The following ACOX2 variants were observed in gnomAD, a reference collection of about 807,000 sequenced individuals.
ACOX2 encodes acyl-CoA oxidase 2.
ACOX2 carries 59 observed loss-of-function variants against 77.5 expected under a neutral mutation model. The ratio of observed to expected loss-of-function variants is 0.76; its 90% CI spans 0.62 to 0.95. The LOEUF is 0.95. ACOX2 is among the 40% of genes least tolerant of loss of function. The pLI, the probability that ACOX2 is intolerant of heterozygous loss-of-function variation, is 0.00. For synonymous variants in ACOX2, 317 were observed against 340.1 expected, an observed-to-expected ratio of 0.93 and a Z score of 0.75; for missense variants, 837 against 880.4, an observed-to-expected ratio of 0.95 and a Z score of 0.62.
Position 58,528,864 on chromosome 3 carries a change from A to G in ACOX2, c.1085T>C (p.Val362Ala). ...AISYAFHFLA[V>A]SLLEFFQHSY... is the part of the protein sequence containing the mutation. ...GTGCTGGAAGAACTCCAAGAGGCTG[A>G]CTGCCAGGAAATGGAAGGCATAACT... The change falls in exon 9 of 15, where the codon GTC (valine) becomes GCC (alanine). Residue 362 changes from valine (V) to alanine (A), a missense_variant. Val to Ala is a moderately conservative substitution (Grantham distance 64). Transcript: ENST00000302819. The surrounding 1 kb of genome is among the most constrained non-coding windows in gnomAD (Gnocchi z 5.6). 1 of 1,613,914 alleles carries G rather than the reference A, an allele frequency of 6.2e-7. No homozygotes were observed. The highest frequency in any genetic ancestry group is 1.1e-5 in the South Asian group (1 of 90,982).
rs1169194577 is a variant in ACOX2, at chr3:58,522,227, T to C, written c.1632+269A>G. Among the ~76,000 whole-genome samples the C allele has an allele frequency of 6.6e-6, 1 of 152,192 alleles. No homozygotes were observed. The highest frequency in any genetic ancestry group is 2.1e-4 in the South Asian group (1 of 4,824). ...GGGCTAAGGGGAGACTTGACCTGCT[T>C]TTCTATCTGGGAGGAAATATTTGAA... On this transcript the variant is annotated intron_variant, in intron 12 of 14. Coordinates refer to ENST00000302819, the MANE Select transcript of ACOX2 (RefSeq NM_003500.4). The surrounding 1 kb of genome is among the most constrained non-coding windows in gnomAD (Gnocchi z 4.3).
chr3:58,534,586 T>C lies in ACOX2; in HGVS notation c.161-64A>G. The C allele has an allele frequency of 6.2e-7, 1 of 1,612,732 alleles. No homozygotes were observed. Among genetic ancestry groups the C allele is most frequent in the Non-Finnish European group, 8.5e-7 (1 of 1,179,766 alleles). ...TGAGGTTTCTGGCACCTTGAAATCT[T>C]CTCACCCACTTGCTTCATGGATCTG... On this transcript the variant is annotated intron_variant, in intron 2 of 14. Transcript: ENST00000302819. The surrounding 1 kb of genome is among the most constrained non-coding windows in gnomAD (Gnocchi z 4.8).
At position 58,525,218 on chromosome 3, in the gene ACOX2, T is replaced by A. The variant is rs1194045796; in HGVS notation, c.1347-613A>T. 6.6e-6 allele frequency among the ~76,000 whole-genome samples: 1 copy of A among 152,248 alleles called. No homozygotes were observed. Among genetic ancestry groups the A allele is most frequent in the Non-Finnish European group, 1.5e-5 (1 of 68,034 alleles). Reference sequence around the variant, plus strand: ...GAATGAGATGATATTTGTAGAGTGCTTGGCACAGTGCAGAGTACATAATAT... The same window carrying A: ...GAATGAGATGATATTTGTAGAGTGCATGGCACAGTGCAGAGTACATAATAT... On this transcript the variant is annotated intron_variant, in intron 10 of 14. Transcript: ENST00000302819. This position sits in a 1 kb window ranked among gnomAD's most constrained non-coding sequence, Gnocchi z 5.0.
rs753935572 is a variant in ACOX2 at position 58,517,293 on chromosome 3, G to A, written c.1763C>T (p.Ser588Leu). 21 of 1,614,060 alleles carry A rather than the reference G, an allele frequency of 1.3e-5. No homozygotes were observed. The highest frequency in any genetic ancestry group is 1.6e-4 in the Middle Eastern group (1 of 6,084). The change falls in exon 13 of 15, where the codon TCG (serine) becomes TTG (leucine). Residue 588 changes from serine to leucine, a missense_variant. Transcript: ENST00000302819. ...LHAIHGILTN[S>L]GDFLHDAFLS... is the part of the protein sequence containing the mutation. ...GAAGGCGTCATGGAGAAAGTCACCCGAGTTAGTCAAGATTCCATGTATGGC... is the reference window on the plus strand; with the variant it reads ...GAAGGCGTCATGGAGAAAGTCACCCAAGTTAGTCAAGATTCCATGTATGGC...
chr3:58,534,107 ACT>A lies in ACOX2; in HGVS notation c.360_361del (p.Arg120SerfsTer48), dbSNP rs1327822475. Reference sequence around the variant, plus strand: ...CAGGCTCCTGAGGGCTCTCACGAAGACTCTGTGTATATTTAAGGCCACGTCTC... The same window carrying A: ...CAGGCTCCTGAGGGCTCTCACGAAGACTGTGTATATTTAAGGCCACGTCTC... On this transcript the variant is annotated frameshift_variant, in exon 4 of 15. Coordinates refer to ENST00000302819, the MANE Select transcript of ACOX2 (RefSeq NM_003500.4). LOFTEE classifies it high-confidence loss of function. The surrounding 1 kb of genome is among the most constrained non-coding windows in gnomAD (Gnocchi z 4.8). The A allele has an allele frequency of 2.5e-6, 4 of 1,613,876 alleles. No homozygotes were observed. The highest frequency in any genetic ancestry group is 1.6e-4 in the Middle Eastern group (1 of 6,062).
rs1283526303 is a variant in ACOX2 at position 58,524,534 on chromosome 3, G to C, written c.1418C>G (p.Ser473Cys). The change falls in exon 11 of 15, where the codon TCT becomes TGT. Residue 473 changes from serine (S) to cysteine (C), a missense_variant. Coordinates refer to ENST00000302819, the MANE Select transcript of ACOX2 (RefSeq NM_003500.4). The surrounding 1 kb of genome is among the most constrained non-coding windows in gnomAD (Gnocchi z 5.5). ...GSTPQRSLSP[S>C]VAYLTAPDLA... ...GTCAGGTGCGGTGAGATATGCGACA[G>C]ATGGAGAGAGAGATCTCTGTGGCGT... The C allele has an allele frequency of 1.2e-6, 2 of 1,614,242 alleles. No homozygotes were observed. The highest frequency in any genetic ancestry group is 3.3e-5 in the Admixed American group (2 of 60,030).
chr3:58,531,450 C>T lies in ACOX2; in HGVS notation c.704-84G>A, dbSNP rs1438602061. 3.7e-6 allele frequency: 5 copies of T among 1,347,044 alleles called. No homozygotes were observed. Among genetic ancestry groups the T allele is most frequent in the African/African-American group, 2.9e-5 (2 of 69,354 alleles). The allele number at this position is 1,347,044 out of a possible 1,614,324, so 83.4% of individuals were successfully genotyped here. ...GGTATCATACACACATTCCAGGTCA[C>T]AGCAGCCTGTGACACTGGGATTATT... is the stretch of plus-strand genomic sequence containing the variant. On this transcript the variant is annotated intron_variant, in intron 6 of 14. Transcript: ENST00000302819. This position sits in a 1 kb window ranked among gnomAD's most constrained non-coding sequence, Gnocchi z 5.8.
chr3:58,536,357 CCCTT>C (rs2063481255), intron 1 of ACOX2, among the ~76,000 whole-genome samples: 1 of 152,166 alleles, frequency 6.6e-6, no homozygotes, highest in Non-Finnish European at 1.5e-5. Context: ...GCTTTTGATC[CCCTT>C]CCTTCCTGAC....
chr3:58,536,902 CA>C (rs2108015631), intron 1 of ACOX2, among the ~76,000 whole-genome samples: 1 of 152,306 alleles, frequency 6.6e-6, no homozygotes, highest in Admixed American at 6.5e-5. Context: ...TGTTTACTTC[CA>C]TCTCCCTGCT....
Position 58,535,285 on chromosome 3 carries a change from C to T in ACOX2, c.-91-88G>A. 2 of 669,712 alleles carry T rather than the reference C, an allele frequency of 3.0e-6. No individual in the cohort carries two copies. The highest frequency in any genetic ancestry group is 2.6e-6 in the Non-Finnish European group (1 of 388,696). The allele number at this position is 669,712 out of a possible 1,614,324, so 41.5% of individuals were successfully genotyped here. A position where few individuals can be genotyped will look rare whatever the true frequency, so the allele number is the denominator to read the frequency against. ...CATCCCTAAGTACCTGAATGCCACT[C>T]CACCTCCCCACTCCCCCTGTGGACA... On this transcript the variant is annotated intron_variant, in intron 1 of 14. Transcript: ENST00000302819. This position sits in a 1 kb window ranked among gnomAD's most constrained non-coding sequence, Gnocchi z 4.8.
chr3:58,518,349 T>G (rs1220605176), intron 12 of ACOX2, among the ~76,000 whole-genome samples: 1 of 152,202 alleles, frequency 6.6e-6, no homozygotes, highest in Non-Finnish European at 1.5e-5. Flanking sequence ...ATCAACCCTG[T>G]GAGAGCCCCT....
At position 58,524,735 on chromosome 3, in the gene ACOX2, CCTCT is replaced by C; in HGVS notation, c.1347-134_1347-131del. ...CCCGTGGGAGAGCCAGGTCACCAGG[CCTCT>C]GCCTGGCCTCCCTCCTGAGGGTTCC... On this transcript the variant is annotated intron_variant, in intron 10 of 14. Transcript: ENST00000302819. This position sits in a 1 kb window ranked among gnomAD's most constrained non-coding sequence, Gnocchi z 5.5. 1.9e-6 allele frequency: 2 copies of C among 1,052,898 alleles called. No individual in the cohort carries two copies. Among genetic ancestry groups the C allele is most frequent in the Non-Finnish European group, 2.7e-6 (2 of 739,650 alleles). The allele number at this position is 1,052,898 out of a possible 1,614,324, so 65.2% of individuals were successfully genotyped here. A position where few individuals can be genotyped will look rare whatever the true frequency, so the allele number is the denominator to read the frequency against.
chr3:58,535,205 C>T lies in ACOX2; in HGVS notation c.-91-8G>A. On this transcript the variant is annotated splice_region_variant and splice_polypyrimidine_tract_variant and intron_variant, in intron 1 of 14. Coordinates refer to ENST00000302819, the MANE Select transcript of ACOX2 (RefSeq NM_003500.4). The surrounding 1 kb of genome is among the most constrained non-coding windows in gnomAD (Gnocchi z 4.8). ...TTGGTCAGTGCAAAGAACCTGTGTG[C>T]AAGAGGAACTGCCTAGGGCTGGGTG... 2 of 1,485,750 alleles carry T rather than the reference C, an allele frequency of 1.3e-6. No individual in the cohort carries two copies. The highest frequency in any genetic ancestry group is 2.4e-5 in the South Asian group (2 of 83,728). The allele number at this position is 1,485,750 out of a possible 1,614,324, so 92.0% of individuals were successfully genotyped here.
Position 58,508,918 on chromosome 3 carries a change from G to A in ACOX2, c.1958C>T (p.Ala653Val), listed in dbSNP as rs917523468. ...GNVYERLFQW[A>V]QKSPTNTQEN... ...CTGAGTATTGGTTGGTGACTTCTGA[G>A]CCCACTGGAACAGGCGTTCGTAGAC... The change falls in exon 14 of 15, where the codon GCT (alanine) becomes GTT (valine). Residue 653 changes from alanine to valine, a missense_variant. Transcript: ENST00000302819. 6.2e-7 allele frequency: 1 copy of A among 1,614,182 alleles called. No homozygotes were observed. The highest frequency in any genetic ancestry group is 8.5e-7 in the Non-Finnish European group (1 of 1,180,022).
In ACOX2 at chr3:58,522,569, G is replaced by A; in HGVS notation, c.1559C>T (p.Thr520Ile). 1 of 1,614,200 alleles carries A rather than the reference G, an allele frequency of 6.2e-7. No homozygotes were observed. The highest frequency in any genetic ancestry group is 8.5e-7 in the Non-Finnish European group (1 of 1,180,030). The change falls in exon 12 of 15, where the codon ACC becomes ATC. Residue 520 changes from threonine (T) to isoleucine (I), a missense_variant. Thr to Ile is a moderately conservative substitution (Grantham distance 89). Coordinates refer to ENST00000302819, the MANE Select transcript of ACOX2 (RefSeq NM_003500.4). This position sits in a 1 kb window ranked among gnomAD's most constrained non-coding sequence, Gnocchi z 4.3. ...LIKDSVQHLQ[T>I]LTQSGADQHE... ...CTGGTCAGCTCCGGATTGCGTCAGG[G>A]TCTGTAAATGCTGCACTGAGTCCTT...
In ACOX2 at chr3:58,534,277, G is replaced by C; in HGVS notation, c.323+83C>G. On this transcript the variant is annotated intron_variant, in intron 3 of 14. Transcript: ENST00000302819. The surrounding 1 kb of genome is among the most constrained non-coding windows in gnomAD (Gnocchi z 4.8). ...TCCCAACAAGTCTTCCCTTTGTTGG[G>C]GGAAATGGCTCATGGGGCTAGGGGG... The C allele has an allele frequency of 3.8e-6, 6 of 1,582,528 alleles. No homozygotes were observed. The highest frequency in any genetic ancestry group is 1.2e-5 in the South Asian group (1 of 85,894).
chr3:58,511,820 A>G (rs1003575635), intron 13 of ACOX2: 1 of 152,222 alleles, frequency 6.6e-6, no homozygotes, highest in Admixed American at 6.5e-5. Context: ...TGAAAGTGTT[A>G]TGTGTGTTTA....
intron 12 of ACOX2, among the ~76,000 whole-genome samples, chr3:58,517,949 C>G (rs2063333650): frequency 1.3e-5 from 2 of 151,842 alleles, no homozygotes; most frequent in Non-Finnish European, 2.9e-5. Flanking sequence ...GTGGTGCATG[C>G]CTGTAATCCC....
At position 58,535,289 on chromosome 3, in the gene ACOX2, C is replaced by T; in HGVS notation, c.-91-92G>A. On this transcript the variant is annotated intron_variant, in intron 1 of 14. Transcript: ENST00000302819. The surrounding 1 kb of genome is among the most constrained non-coding windows in gnomAD (Gnocchi z 4.8). ...CCTAAGTACCTGAATGCCACTCCACCTCCCCACTCCCCCTGTGGACACTGG... is the reference window on the plus strand; with the variant it reads ...CCTAAGTACCTGAATGCCACTCCACTTCCCCACTCCCCCTGTGGACACTGG... 3.0e-6 allele frequency: 2 copies of T among 658,932 alleles called. No individual in the cohort carries two copies. Among genetic ancestry groups the T allele is most frequent in the Non-Finnish European group, 2.6e-6 (1 of 380,740 alleles). 40.8% of individuals were successfully genotyped at this position (658,932 alleles called of 1,614,324 possible).
Sources: gnomAD v4.1 joint callset for allele counts (sites outside exome capture counted in the v4.1 genomes callset) on GRCh38, gnomAD v4.1.1 for gene constraint, Gnocchi (gnomAD v3.1) non-coding constraint, MANE v1.5 for transcripts, NCBI Gene and HGNC (gene_info 2026-07-23, HGNC 2026-07-21) for gene names.